EREG: variants seen among roughly 807,000 people sequenced by gnomAD.
EREG encodes the protein proepiregulin.
A neutral mutation model predicts 22.4 loss-of-function variants in EREG; 23 were observed. That is an observed-to-expected ratio of 1.03 (90% CI 0.74 to 1.46). The LOEUF (loss-of-function observed/expected upper bound fraction) is 1.46. Ranked by LOEUF, EREG falls within the 40% of genes most tolerant of loss-of-function variation. The pLI, the probability that EREG is intolerant of heterozygous loss-of-function variation, is 0.00. For synonymous variants in EREG, 100 were observed against 75.4 expected, an observed-to-expected ratio of 1.33 and a Z score of -1.69; for missense variants, 226 against 205.9, an observed-to-expected ratio of 1.10 and a Z score of -0.60.
rs1752545912 is a variant in EREG at position 74,384,934 on chromosome 4, GA to G, written c.*131del. The G allele has an allele frequency of 2.0e-6, 1 of 489,512 alleles. No individual in the cohort carries two copies. Among genetic ancestry groups the G allele is most frequent in the Non-Finnish European group, 3.6e-6 (1 of 274,084 alleles). The allele number at this position is 489,512 out of a possible 1,614,324, so 30.3% of individuals were successfully genotyped here. On this transcript the variant is annotated 3_prime_UTR_variant, in exon 5 of 5. Coordinates refer to ENST00000244869, the MANE Select transcript of EREG (RefSeq NM_001432.3). Reference sequence around the variant, plus strand: ...AATAACACTGTATTTTAATGTACTTGAAAAATGTTTTTATTTTTGTTTTATT... The same window carrying G: ...AATAACACTGTATTTTAATGTACTTGAAAATGTTTTTATTTTTGTTTTATT...
rs1008949399 is a variant in EREG, at chr4:74,384,932, T to C, written c.*124T>C. 2 of 491,554 alleles carry C rather than the reference T, an allele frequency of 4.1e-6. No homozygotes were observed. The highest frequency in any genetic ancestry group is 3.9e-5 in the African/African-American group (2 of 51,114). The allele number at this position is 491,554 out of a possible 1,614,324, so 30.4% of individuals were successfully genotyped here. A position where few individuals can be genotyped will look rare whatever the true frequency, so the allele number is the denominator to read the frequency against. On this transcript the variant is annotated 3_prime_UTR_variant, in exon 5 of 5. Coordinates refer to ENST00000244869, the MANE Select transcript of EREG (RefSeq NM_001432.3). ...TCAATAACACTGTATTTTAATGTAC[T>C]TGAAAAATGTTTTTATTTTTGTTTT...
At chr4:74,365,539 C>T (rs1307740728) in intron 1 of EREG, among the ~76,000 whole-genome samples, 164 bp downstream of exon 1, 1 of 41,382 alleles carries the variant, frequency 2.4e-5, no homozygotes, top group Non-Finnish European at 4.4e-5. Context: ...TATGGTGGGA[C>T]TGGGGTGGGG....
intron 3 of EREG, 90 bp from the exon 4 acceptor site, chr4:74,382,555 C>A: frequency 2.0e-6 from 2 of 1,000,934 alleles, no homozygotes; most frequent in Non-Finnish European, 2.9e-6. Context: ...TCTTGCATTA[C>A]AGTGTGATGT....
chr4:74,384,910 A>G lies in EREG; in HGVS notation c.*102A>G. ...TTATGTTGGGTCAAGTGTTAGGTCA[A>G]TAACACTGTATTTTAATGTACTTGA... On this transcript the variant is annotated 3_prime_UTR_variant, in exon 5 of 5. Coordinates refer to ENST00000244869, the MANE Select transcript of EREG (RefSeq NM_001432.3). The G allele has an allele frequency of 1.7e-6, 1 of 602,126 alleles. No individual in the cohort carries two copies. The highest frequency in any genetic ancestry group is 2.9e-5 in the South Asian group (1 of 34,102). 37.3% of individuals were successfully genotyped at this position (602,126 alleles called of 1,614,324 possible).
Position 74,368,907 on chromosome 4 carries a change from C to A in EREG, c.67+3532C>A, listed in dbSNP as rs543310492. Among the ~76,000 whole-genome samples the A allele has an allele frequency of 1.2e-4, 19 of 152,184 alleles. No homozygotes were observed. In the East Asian group the frequency reaches 3.5e-3, roughly 28 times the overall value. On this transcript the variant is annotated intron_variant, in intron 1 of 4. Transcript: ENST00000244869. Reference sequence around the variant, plus strand: ...TTGCCTTGACATGGCAATTCTGGAACCTTTGAAAAAATGAAGTAATGCCAC... The same window carrying A: ...TTGCCTTGACATGGCAATTCTGGAAACTTTGAAAAAATGAAGTAATGCCAC...
intron 3 of EREG, chr4:74,381,457 T>A (rs10446508): frequency 0.72 from 124,247 of 172,922 alleles, 45,528 homozygotes; most frequent in Non-Finnish European, 0.78. Flanking sequence ...TATTTTTATA[T>A]TTTGAAATTA....
chr4:74,368,009 C>T (rs558557846), intron 1 of EREG, among the ~76,000 whole-genome samples: 15 of 152,124 alleles, frequency 9.9e-5, no homozygotes, highest in Non-Finnish European at 2.1e-4. Flanking sequence ...TTGATTAGCC[C>T]AGTGAAGTCA....
In EREG at chr4:74,387,306, A is replaced by G. The variant is rs578232016; in HGVS notation, c.*2498A>G. The G allele has an allele frequency of 6.6e-6, 1 of 152,086 alleles. No individual in the cohort carries two copies. Among genetic ancestry groups the G allele is most frequent in the African/African-American group, 2.4e-5 (1 of 41,502 alleles). The allele number at this position is 152,086 out of a possible 1,614,324, so 9.4% of individuals were successfully genotyped here. The stretch of plus-strand genomic sequence containing the variant: ...TACTAGATGTGAGGAGAGTCTGAAT[A>G]TTTTCAGTGATCTTGGCTGTTTCAA... On this transcript the variant is annotated 3_prime_UTR_variant, in exon 5 of 5. Coordinates refer to ENST00000244869, the MANE Select transcript of EREG (RefSeq NM_001432.3).
rs923731140 is a variant in EREG at position 74,367,144 on chromosome 4, C to T, written c.67+1769C>T. 2.6e-5 allele frequency among the ~76,000 whole-genome samples: 4 copies of T among 152,288 alleles called. No individual in the cohort carries two copies. In the East Asian group the frequency reaches 7.7e-4, roughly 29 times the overall value. ...TTATAACTGCTTTATGTAGTTATGA[C>T]TAGGGAATAAAGTTCCAGCCTCCAC... On this transcript the variant is annotated intron_variant, in intron 1 of 4. Transcript: ENST00000244869.
chr4:74,381,149 G>T lies in EREG; in HGVS notation c.278+12G>T, dbSNP rs1268062845. The T allele has an allele frequency of 3.7e-6, 6 of 1,604,642 alleles. No homozygotes were observed. The East Asian group carries it at 1.3e-4, about 36-fold the overall frequency. The stretch of plus-strand genomic sequence containing the variant: ...CAAAACTACTGCAGGTAATATGTCA[G>T]AAATAAACAAACACAGTTTGTAAAA... On this transcript the variant is annotated intron_variant, in intron 3 of 4. Transcript: ENST00000244869.
At chr4:74,380,938 G>A (rs1475094028) in intron 2 of EREG, 76 bp from the exon 3 acceptor site, 2 of 1,488,156 alleles carry the variant, frequency 1.3e-6, no homozygotes, top group African/African-American at 2.8e-5. Flanking sequence ...GTAGTTCAGT[G>A]GTTACTGTTA....
Position 74,382,780 on chromosome 4 carries a change from T to G in EREG, c.414T>G (p.Tyr138Ter). ...TTATCACAGTCGTCGGTTCCACATA[T>G]TATTTCTGCAGATGGTAAGTCAGTG... Reference protein sequence around the residue: ...LFLITVVGSTYYFCRWYRNRK... With the variant: ...LFLITVVGST Residue 138 changes from tyrosine (Y) to a stop codon, truncating the protein, a stop_gained, in exon 4 of 5, where the codon TAT becomes TAG. Transcript: ENST00000244869. LOFTEE classifies it high-confidence loss of function. 1.2e-6 allele frequency: 2 copies of G among 1,612,750 alleles called. No homozygotes were observed. Among genetic ancestry groups the G allele is most frequent in the Non-Finnish European group, 1.7e-6 (2 of 1,179,458 alleles).
At chr4:74,381,260 T>G in intron 3 of EREG, 123 bp downstream of exon 3, 1 of 795,292 alleles carries the variant, frequency 1.3e-6, no homozygotes, top group Non-Finnish European at 2.0e-6. Flanking sequence ...TTAGAGTACC[T>G]ACCCCTCAAA....
chr4:74,369,024 A>G (rs1466303106), intron 1 of EREG, among the ~76,000 whole-genome samples: 1 of 152,210 alleles, frequency 6.6e-6, no homozygotes, highest in African/African-American at 2.4e-5. Flanking sequence ...AGGTTAAAGT[A>G]ATGATTTAAC....
At chr4:74,382,118 A>C (rs943042742) in intron 3 of EREG, 7 of 152,554 alleles carry the variant, frequency 4.6e-5, no homozygotes, top group African/African-American at 1.7e-4. Flanking sequence ...CAGCCTGGCC[A>C]ACATGGTGAA....
chr4:74,378,799 A>G (rs1752426883), intron 1 of EREG, among the ~76,000 whole-genome samples: 2 of 152,322 alleles, frequency 1.3e-5, no homozygotes, highest in South Asian at 4.1e-4. Context: ...CTGAATACAC[A>G]TGATGAAACA....
chr4:74,379,813 A>C (rs563838917), intron 2 of EREG, among the ~76,000 whole-genome samples: 8 of 152,302 alleles, frequency 5.3e-5, no homozygotes, highest in Non-Finnish European at 1.2e-4. Flanking sequence ...GTCTCCTGGC[A>C]CTTTACTGCG....
At chr4:74,380,866 G>C (rs1485525469) in intron 2 of EREG, 148 bp from the exon 3 acceptor site, 3 of 730,942 alleles carry the variant, frequency 4.1e-6, no homozygotes, top group Non-Finnish European at 6.7e-6. Context: ...GTGACAACTA[G>C]AGTGACTTCC....
chr4:74,368,557 TA>T (rs1026658892), intron 1 of EREG, among the ~76,000 whole-genome samples: 1 of 152,114 alleles, frequency 6.6e-6, no homozygotes, highest in Admixed American at 6.5e-5. Flanking sequence ...TTCCTTGGTT[TA>T]AAAAAAATAA....
Sources: gnomAD v4.1 joint callset for allele counts (sites outside exome capture counted in the v4.1 genomes callset) on GRCh38, gnomAD v4.1.1 for gene constraint, MANE v1.5 for transcripts, NCBI Gene and HGNC (gene_info 2026-07-23, HGNC 2026-07-21) for gene names.